The following ADAMTS13 variants were observed in gnomAD, a reference collection of about 807,000 sequenced individuals.
ADAMTS13 encodes ADAM metallopeptidase with thrombospondin type 1 motif 13, also known as A disintegrin and metalloproteinase with thrombospondin motifs 13.
A neutral mutation model predicts 155.1 loss-of-function variants in ADAMTS13; 110 were observed. The observed-to-expected ratio is 0.71, with a 90% CI of 0.61 to 0.83. The LOEUF (loss-of-function observed/expected upper bound fraction) is 0.83, where lower values mean the gene tolerates loss of function less well. ADAMTS13 is among the 40% of genes least tolerant of loss of function. The pLI is 0.00. For missense variants in ADAMTS13, 1,707 were observed against 1,891.7 expected, an observed-to-expected ratio of 0.90 and a Z score of 1.81; for synonymous variants, 758 against 756.4, an observed-to-expected ratio of 1.00 and a Z score of -0.03.
At chr9:133,439,307 TTGTC>T (rs1554789994) in intron 14 of ADAMTS13, 55 bp from the exon 15 acceptor site, 3 of 1,321,422 alleles carry the variant, frequency 2.3e-6, no homozygotes, top group Middle Eastern at 1.8e-4. Flanking sequence ...TCAGCTCCCT[TTGTC>T]TGTGGTGTGG....
At chr9:133,442,836 CA>C in intron 18 of ADAMTS13, 93 bp downstream of exon 18, 1 of 1,488,690 alleles carries the variant, frequency 6.7e-7, no homozygotes, top group East Asian at 2.5e-5. Flanking sequence ...GCCCATGTGG[CA>C]GGGCCGGGCT....
In ADAMTS13 at chr9:133,456,494, C is replaced by T. The variant is rs782289155; in HGVS notation, c.3548-49C>T. ...AGTCTACCCTGGAGCCACTCCTCTGCTGACCAGGCGTGGGAGTGCTGGACC... is the reference window on the plus strand; with the variant it reads ...AGTCTACCCTGGAGCCACTCCTCTGTTGACCAGGCGTGGGAGTGCTGGACC... On this transcript the variant is annotated intron_variant, in intron 26 of 28. Transcript: ENST00000355699. The surrounding 1 kb of genome is among the most constrained non-coding windows in gnomAD (Gnocchi z 4.4). 6.2e-7 allele frequency: 1 copy of T among 1,601,296 alleles called. No individual in the cohort carries two copies. Among genetic ancestry groups the T allele is most frequent in the Non-Finnish European group, 8.5e-7 (1 of 1,174,422 alleles).
In ADAMTS13 at chr9:133,448,588, T is replaced by C. The variant is rs782529913; in HGVS notation, c.2732-11T>C. The C allele has an allele frequency of 6.2e-7, 1 of 1,609,000 alleles. No homozygotes were observed. Among genetic ancestry groups the C allele is most frequent in the Non-Finnish European group, 8.5e-7 (1 of 1,179,752 alleles). On this transcript the variant is annotated splice_polypyrimidine_tract_variant and intron_variant, in intron 21 of 28. Transcript: ENST00000355699. ...CCCTTGGGGCTCTGGGTCTCTGCTT[T>C]GTCCACGCAGGTCTGATGGAGCTGC... is the stretch of plus-strand genomic sequence containing the variant.
chr9:133,434,457 C>A (rs1321527796), intron 11 of ADAMTS13, among the ~76,000 whole-genome samples: 1 of 152,088 alleles, frequency 6.6e-6, no homozygotes, highest in Non-Finnish European at 1.5e-5. Flanking sequence ...AGGTGCCCGC[C>A]ACCACGCCCG....
chr9:133,443,400 A>G lies in ADAMTS13; in HGVS notation c.2259A>G (p.Pro753=). 6.3e-7 allele frequency: 1 copy of G among 1,598,816 alleles called. No individual in the cohort carries two copies. Among genetic ancestry groups the G allele is most frequent in the Non-Finnish European group, 8.5e-7 (1 of 1,177,806 alleles). The part of the protein sequence containing the change: ...PPYWAVGDFG[P]CSASCGGGLR... ...GCTGGGCGGTGGGAGACTTCGGCCC[A>G]TGCAGCGCCTCCTGTGGGGGTGGCC... Residue 753 remains proline (P), a synonymous_variant, in exon 19 of 29, where the codon CCA becomes CCG. Coordinates refer to ENST00000355699, the MANE Select transcript of ADAMTS13 (RefSeq NM_139027.6).
chr9:133,434,825 C>T (rs1428139970), intron 11 of ADAMTS13, among the ~76,000 whole-genome samples: 6 of 152,182 alleles, frequency 3.9e-5, no homozygotes, highest in Non-Finnish European at 8.8e-5. Context: ...CATTGGTTTC[C>T]CTTCTGTCTC....
chr9:133,423,086 CTT>C lies in ADAMTS13; in HGVS notation c.106-11_106-10del. On this transcript the variant is annotated splice_polypyrimidine_tract_variant and intron_variant, in intron 1 of 28. Transcript: ENST00000355699. ...CCACTATGCCCGGCCCCATCCATCTCTTTTTGTCTTGCAGAGTTGTCTTCAGG... is the reference window on the plus strand; with the variant it reads ...CCACTATGCCCGGCCCCATCCATCTCTTTGTCTTGCAGAGTTGTCTTCAGG... 1 of 1,613,538 alleles carries C rather than the reference CTT, an allele frequency of 6.2e-7. No homozygotes were observed. The highest frequency in any genetic ancestry group is 8.5e-7 in the Non-Finnish European group (1 of 1,179,746).
upstream of ADAMTS13, chr9:133,417,771 G>T: frequency 6.2e-7 from 1 of 1,611,888 alleles, no homozygotes. Flanking sequence ...CCGAGTGAGC[G>T]TCTTGACAGG....
In ADAMTS13 at chr9:133,425,928, G is replaced by T; in HGVS notation, c.415-10G>T. On this transcript the variant is annotated splice_polypyrimidine_tract_variant and intron_variant, in intron 4 of 28. Transcript: ENST00000355699. This position sits in a 1 kb window ranked among gnomAD's most constrained non-coding sequence, Gnocchi z 4.6. ...GTGTCCTAAATGCAGGCTTTGCTGT[G>T]GGTCCGCAGGGTGCTCCAAATATCA... The T allele has an allele frequency of 6.2e-7, 1 of 1,613,248 alleles. No individual in the cohort carries two copies.
In ADAMTS13 at chr9:133,456,536, T is replaced by C; in HGVS notation, c.3548-7T>C. 6.2e-7 allele frequency: 1 copy of C among 1,612,816 alleles called. No homozygotes were observed. Among genetic ancestry groups the C allele is most frequent in the East Asian group, 2.2e-5 (1 of 44,878 alleles). On this transcript the variant is annotated splice_region_variant and splice_polypyrimidine_tract_variant and intron_variant, in intron 26 of 28. Coordinates refer to ENST00000355699, the MANE Select transcript of ADAMTS13 (RefSeq NM_139027.6). The surrounding 1 kb of genome is among the most constrained non-coding windows in gnomAD (Gnocchi z 4.4). ...TGCTGGACCCTCACTGCCCTGCCGC[T>C]TCCTAGGGGACATGTTGCTGCTTTG...
In ADAMTS13 at chr9:133,436,933, T is replaced by C. The variant is rs1841281278; in HGVS notation, c.1413T>C (p.Gly471=). Residue 471 remains glycine, a synonymous_variant, in exon 12 of 29, where the codon GGT becomes GGC. Transcript: ENST00000355699. The part of the protein sequence containing the change: ...SPGGASFYHW[G]AAVPHSQGDA... ...GCGGCGCCTCCTTCTACCACTGGGG[T>C]GCTGCTGTACCACACAGCCAAGGTG... 1.3e-6 allele frequency: 2 copies of C among 1,593,510 alleles called. No individual in the cohort carries two copies. Among genetic ancestry groups the C allele is most frequent in the Non-Finnish European group, 1.7e-6 (2 of 1,171,560 alleles).
Position 133,455,822 on chromosome 9 carries a change from C to A in ADAMTS13, c.3401-247C>A, listed in dbSNP as rs146102024. 4 of 781,918 alleles carry A rather than the reference C, an allele frequency of 5.1e-6. No individual in the cohort carries two copies. In the African/African-American group the frequency reaches 6.9e-5, roughly 13 times the overall value. 48.4% of individuals were successfully genotyped at this position (781,918 alleles called of 1,614,324 possible). On this transcript the variant is annotated intron_variant, in intron 25 of 28. Coordinates refer to ENST00000355699, the MANE Select transcript of ADAMTS13 (RefSeq NM_139027.6). Reference sequence around the variant, plus strand: ...AAGGTAGGAACCCAGCTTGTGAGCCCCCTAGCCTCTGGGCTGCTCTGCATG... The same window carrying A: ...AAGGTAGGAACCCAGCTTGTGAGCCACCTAGCCTCTGGGCTGCTCTGCATG...
chr9:133,421,924 A>T (rs1564405025), upstream of ADAMTS13: 1 of 161,728 alleles, frequency 6.2e-6, no homozygotes, highest in Non-Finnish European at 1.3e-5. Flanking sequence ...TGATGCTGAG[A>T]TCTGGTGCCG....
In ADAMTS13 at chr9:133,444,913, T is replaced by C; in HGVS notation, c.2471T>C (p.Leu824Pro). The C allele has an allele frequency of 6.2e-7, 1 of 1,613,386 alleles. No homozygotes were observed. The highest frequency in any genetic ancestry group is 8.5e-7 in the Non-Finnish European group (1 of 1,180,034). ...TGCACATCAGCTGGTGGAGCAGGCC[T>C]GGCCTTGGAGAACGAGACCTGTGTG... ...SSCTSAGGAGLALENETCVPG... is the reference protein window; with the variant it reads ...SSCTSAGGAGPALENETCVPG... Residue 824 changes from leucine to proline, a missense_variant, in exon 20 of 29, where the codon CTG (leucine) becomes CCG (proline). Around this residue, in one of 3 missense-constraint regions of ADAMTS13, gnomAD observed 961 missense variants for 1,107.9 expected, o/e 0.87. Coordinates refer to ENST00000355699, the MANE Select transcript of ADAMTS13 (RefSeq NM_139027.6).
At chr9:133,450,295 G>A (rs983128845) in intron 23 of ADAMTS13, among the ~76,000 whole-genome samples, 2 of 152,002 alleles carry the variant, frequency 1.3e-5, no homozygotes, top group African/African-American at 2.4e-5. Flanking sequence ...TAGGCTGGGC[G>A]CGGTGGCTCA....
chr9:133,422,457 AC>A lies in ADAMTS13; in HGVS notation c.19del (p.Arg7GlyfsTer44). MHQR[H>X]PRARCPPLCV... ...GCTCTCCTGAGGATGCACCAGCGTC[AC>A]CCCCGGGCAAGATGCCCTCCCCTCT... On this transcript the variant is annotated frameshift_variant, in exon 1 of 29. Transcript: ENST00000355699. LOFTEE classifies it high-confidence loss of function. The A allele has an allele frequency of 6.2e-7, 1 of 1,613,668 alleles. No individual in the cohort carries two copies. The highest frequency in any genetic ancestry group is 1.1e-5 in the South Asian group (1 of 91,062).
intron 22 of ADAMTS13, among the ~76,000 whole-genome samples, chr9:133,449,207 A>C (rs973335807): frequency 6.6e-6 from 1 of 152,184 alleles, no homozygotes; most frequent in Non-Finnish European, 1.5e-5. Context: ...CTGTGGGTGC[A>C]CATGGTTGCT....
rs187680653 is a variant in ADAMTS13, at chr9:133,457,229, C to T, written c.3724+510C>T. Among the ~76,000 whole-genome samples, 1,098 of 152,288 alleles carry T rather than the reference C, an allele frequency of 7.2e-3. 5 individuals are homozygous for T. Among genetic ancestry groups the T allele is most frequent in the Non-Finnish European group, 0.012 (785 of 68,008 alleles). Reference sequence around the variant, plus strand: ...TAGCCCTCTCGGTTGTCCTGGGGGGCTTGCCCTCTCCCAACAGCCCGAGCT... The same window carrying T: ...TAGCCCTCTCGGTTGTCCTGGGGGGTTTGCCCTCTCCCAACAGCCCGAGCT... On this transcript the variant is annotated intron_variant, in intron 27 of 28. Coordinates refer to ENST00000355699, the MANE Select transcript of ADAMTS13 (RefSeq NM_139027.6).
rs1564428681 is a variant in ADAMTS13, at chr9:133,442,530, G to C, written c.2100G>C (p.Gly700=). The C allele has an allele frequency of 6.2e-7, 1 of 1,613,634 alleles. No individual in the cohort carries two copies. Residue 700 remains glycine (G), a synonymous_variant, in exon 17 of 29, where the codon GGG becomes GGC. Transcript: ENST00000355699. ...GTGGGCCCTGCTCGGTGAGCTGTGG[G>C]GCAGGTGAGACCTGGGGAAGGCTCA... is the stretch of plus-strand genomic sequence containing the variant. ...AVRGPCSVSC[G]AGLRWVNYSC...
Sources: allele counts gnomAD v4.1 joint callset (sites outside exome capture counted in the v4.1 genomes callset), GRCh38; gene constraint gnomAD v4.1.1; regional missense constraint gnomAD v4.1.1; non-coding constraint Gnocchi (gnomAD v3.1); transcripts MANE v1.5; gene names NCBI Gene and HGNC (gene_info 2026-07-23, HGNC 2026-07-21).